The following PDHX variants were observed in gnomAD, a reference collection of about 807,000 sequenced individuals.
The protein encoded by PDHX is pyruvate dehydrogenase protein X component, mitochondrial.
A neutral mutation model predicts 55.3 loss-of-function variants in PDHX; 33 were observed. That is an observed-to-expected ratio of 0.60 (90% confidence interval 0.45 to 0.80). The LOEUF (loss-of-function observed/expected upper bound fraction) is 0.80, where lower values mean the gene tolerates loss of function less well. Ranked by LOEUF, PDHX falls within the 30% of genes least tolerant of loss-of-function variation. The pLI is 0.00. For missense variants in PDHX, 622 were observed against 619.9 expected (o/e 1.00, Z -0.04); for synonymous variants, 226 against 219.4 (o/e 1.03, Z -0.27).
At chr11:34,922,327 A>T (rs1456644913) in intron 1 of PDHX, among the ~76,000 whole-genome samples, 1 of 152,192 alleles carries the variant, frequency 6.6e-6, no homozygotes, top group East Asian at 1.9e-4. Flanking sequence ...TAGGTTTGGG[A>T]ATAATAAGTA....
At chr11:34,981,329 C>T (rs1855508458) in intron 8 of PDHX, among the ~76,000 whole-genome samples, 4 of 152,258 alleles carry the variant, frequency 2.6e-5, no homozygotes, top group Admixed American at 2.6e-4. Flanking sequence ...AGGACATGAA[C>T]TCATCATTTT....
At chr11:34,976,160 G>A (rs1438946748) in intron 7 of PDHX, among the ~76,000 whole-genome samples, 1 of 152,010 alleles carries the variant, frequency 6.6e-6, no homozygotes, top group Non-Finnish European at 1.5e-5. Flanking sequence ...GTCCAGTTTT[G>A]GTACACCTTG....
chr11:34,957,300 G>A (rs1304822531), intron 3 of PDHX, 84 bp from the exon 4 acceptor site: 24 of 955,972 alleles, frequency 2.5e-5, no homozygotes, highest in South Asian at 4.1e-5. Flanking sequence ...TATCTTAAGG[G>A]GAGAATTACC....
At chr11:34,932,219 A>G (rs1486573457) in intron 2 of PDHX, among the ~76,000 whole-genome samples, 1 of 152,138 alleles carries the variant, frequency 6.6e-6, no homozygotes, top group East Asian at 1.9e-4. Context: ...TGGAATAAAC[A>G]CCCTAACTAT....
chr11:34,954,336 G>A (rs1854856020), intron 3 of PDHX, among the ~76,000 whole-genome samples: 1 of 152,226 alleles, frequency 6.6e-6, no homozygotes, highest in Admixed American at 6.5e-5. Flanking sequence ...TGGACATACT[G>A]CTGTAAATGT....
At chr11:34,931,534 T>C (rs1565150065) in intron 2 of PDHX, 50 bp downstream of exon 2, 1 of 961,356 alleles carries the variant, frequency 1.0e-6, no homozygotes, top group Admixed American at 2.2e-5. Flanking sequence ...TTTGGTTATT[T>C]TGTTTTGTTT....
intron 6 of PDHX, among the ~76,000 whole-genome samples, chr11:34,969,492 C>T (rs559208241): frequency 9.2e-4 from 139 of 151,864 alleles, no homozygotes; most frequent in African/African-American, 3.2e-3. Flanking sequence ...TACAGGCACG[C>T]GCCACCACAC....
intron 5 of PDHX, among the ~76,000 whole-genome samples, chr11:34,964,074 C>T (rs532999011): frequency 1.3e-5 from 2 of 152,192 alleles, no homozygotes; most frequent in Non-Finnish European, 2.9e-5. Context: ...GAGTTAACTT[C>T]CAGAGCATCC....
chr11:34,917,617 C>T (rs1334213218), intron 1 of PDHX, among the ~76,000 whole-genome samples: 1 of 151,966 alleles, frequency 6.6e-6, no homozygotes, highest in East Asian at 1.9e-4. Flanking sequence ...TCCTGGCACT[C>T]TACAGAATGA....
chr11:34,959,181 T>C (rs1854967057), intron 4 of PDHX, among the ~76,000 whole-genome samples: 1 of 151,884 alleles, frequency 6.6e-6, no homozygotes, highest in Non-Finnish European at 1.5e-5. Flanking sequence ...GTATCCTATA[T>C]ATATAATAAA....
Position 34,931,409 on chromosome 11 carries a change from C to G in PDHX, c.166C>G (p.Pro56Ala), listed in dbSNP as rs1854162351. ...FHSTQWLRGD[P>A]IKILMPSLSP... Reference sequence around the variant, plus strand: ...TTCCTTTTTTTCAATTTCAGGTGATCCCATTAAGATACTAATGCCATCACT... The same window carrying G: ...TTCCTTTTTTTCAATTTCAGGTGATGCCATTAAGATACTAATGCCATCACT... Residue 56 changes from proline to alanine, a missense_variant, in exon 2 of 11, where the codon CCC becomes GCC. By Grantham distance (27) the Pro-to-Ala change is conservative (BLOSUM62 -1). Transcript: ENST00000227868. 1.9e-6 allele frequency: 3 copies of G among 1,578,664 alleles called. No individual in the cohort carries two copies. Among genetic ancestry groups the G allele is most frequent in the Non-Finnish European group, 2.6e-6 (3 of 1,148,922 alleles).
chr11:34,976,760 A>G (rs1033956972), intron 7 of PDHX, among the ~76,000 whole-genome samples: 22 of 152,168 alleles, frequency 1.4e-4, no homozygotes, highest in Admixed American at 5.2e-4. Flanking sequence ...AGTATGCTGA[A>G]TACAGAATTT....
At position 34,966,756 on chromosome 11, in the gene PDHX, C is replaced by T. The variant is rs777713368; in HGVS notation, c.758C>T (p.Pro253Leu). Residue 253 changes from proline to leucine, a missense_variant, in exon 6 of 11, where the codon CCA (proline) becomes CTA (leucine). By Grantham distance (98) the Pro-to-Leu change is moderately conservative (BLOSUM62 -3). Coordinates refer to ENST00000227868, the MANE Select transcript of PDHX (RefSeq NM_003477.3). Reference sequence around the variant, plus strand: ...TCGCCCCTACAGGCCACAGCTGGACCATCTTATCCCCGGCCTGTGATCCCA... The same window carrying T: ...TCGCCCCTACAGGCCACAGCTGGACTATCTTATCCCCGGCCTGTGATCCCA... ...APSPLQATAG[P>L]SYPRPVIPPV... The T allele has an allele frequency of 6.2e-7, 1 of 1,614,124 alleles. No individual in the cohort carries two copies. The highest frequency in any genetic ancestry group is 8.5e-7 in the Non-Finnish European group (1 of 1,179,970).
intron 2 of PDHX, among the ~76,000 whole-genome samples, chr11:34,938,387 T>A (rs1854387069): frequency 1.3e-5 from 2 of 152,216 alleles, no homozygotes; most frequent in African/African-American, 4.8e-5. Context: ...CAGTACCCCA[T>A]TGGAAAGCAT....
chr11:34,980,909 T>C (rs994330787), intron 8 of PDHX, among the ~76,000 whole-genome samples: 4 of 152,190 alleles, frequency 2.6e-5, no homozygotes, highest in African/African-American at 7.2e-5. Flanking sequence ...GTTTTCAGTT[T>C]CTGTTTTTCA....
chr11:34,925,004 A>G (rs1237833813), intron 1 of PDHX, among the ~76,000 whole-genome samples: 1 of 152,232 alleles, frequency 6.6e-6, no homozygotes, highest in African/African-American at 2.4e-5. Context: ...AACAAATATT[A>G]TGCACAATTG....
chr11:34,922,067 G>C (rs1181751069), intron 1 of PDHX, among the ~76,000 whole-genome samples: 1 of 152,180 alleles, frequency 6.6e-6, no homozygotes, highest in Non-Finnish European at 1.5e-5. Context: ...CTTTCTTCTT[G>C]GATGTCTTTT....
chr11:34,917,921 G>T lies in PDHX; in HGVS notation c.160+1106G>T, dbSNP rs541896512. Among the ~76,000 whole-genome samples, 9 of 152,226 alleles carry T rather than the reference G, an allele frequency of 5.9e-5. No individual in the cohort carries two copies. In the South Asian group the frequency reaches 8.3e-4, roughly 14 times the overall value. ...TCGGTCTGGTCTGGTGTGGGGCTCAGGAATCTGCATTTTACAAATGTTGGA... is the reference window on the plus strand; with the variant it reads ...TCGGTCTGGTCTGGTGTGGGGCTCATGAATCTGCATTTTACAAATGTTGGA... On this transcript the variant is annotated intron_variant, in intron 1 of 10. Coordinates refer to ENST00000227868, the MANE Select transcript of PDHX (RefSeq NM_003477.3).
chr11:34,957,989 T>A lies in PDHX; in HGVS notation c.542+406T>A, dbSNP rs1024505798. On this transcript the variant is annotated intron_variant, in intron 4 of 10. Coordinates refer to ENST00000227868, the MANE Select transcript of PDHX (RefSeq NM_003477.3). ...TCTATCTGATATAAAATAGAATTCA[T>A]GTTTTAACATGCATTCGTTTTCAAA... Among the ~76,000 whole-genome samples, 34 of 152,204 alleles carry A rather than the reference T, an allele frequency of 2.2e-4. 1 individual carries two copies. Among genetic ancestry groups the A allele is most frequent in the Admixed American group, 7.9e-4 (12 of 15,272 alleles).
Sources: allele counts gnomAD v4.1 joint callset (sites outside exome capture counted in the v4.1 genomes callset), GRCh38; gene constraint gnomAD v4.1.1; transcripts MANE v1.5; gene names NCBI Gene and HGNC (gene_info 2026-07-23, HGNC 2026-07-21).